METTL21C: variants seen among roughly 807,000 people sequenced by gnomAD.
METTL21C encodes protein-lysine methyltransferase METTL21C.
Under a neutral mutation model 25.9 loss-of-function variants are expected in METTL21C, and 21 were observed. That is an observed-to-expected ratio of 0.81 (90% confidence interval 0.58 to 1.17). The LOEUF (loss-of-function observed/expected upper bound fraction) is 1.17. Ranked by LOEUF, METTL21C falls within the 50% of genes most tolerant of loss-of-function variation. The pLI, the probability that METTL21C is intolerant of heterozygous loss-of-function variation, is 0.00. For missense variants in METTL21C, 312 were observed against 315.1 expected (o/e 0.99, Z 0.07); for synonymous variants, 125 against 124.7 (o/e 1.00, Z -0.01).
chr13:102,702,862 A>AT, the METTL21C span, among the ~76,000 whole-genome samples: 1 of 152,200 alleles, frequency 6.6e-6, no homozygotes, highest in African/African-American at 2.4e-5. Flanking sequence ...AAGTGCTAGG[A>AT]TTACAGCCGT....
chr13:102,701,512 G>A, the METTL21C span, among the ~76,000 whole-genome samples: 2 of 152,148 alleles, frequency 1.3e-5, no homozygotes, highest in African/African-American at 4.8e-5. Context: ...ACTGCCCCTT[G>A]CGTGCAAATC....
chr13:102,690,956 T>G lies in METTL21C; in HGVS notation c.139A>C (p.Lys47Gln), dbSNP rs1469425506. The G allele has an allele frequency of 6.2e-7, 1 of 1,613,678 alleles. No homozygotes were observed. Among genetic ancestry groups the G allele is most frequent in the South Asian group, 1.1e-5 (1 of 90,896 alleles). ...STGGVLEESN[K>Q]IEPSLHSLQK... ...AGGCTATGAAGAGATGGTTCTATCT[T>G]GTTGGATTCTGTGAAGCAGAAAAAT... is the stretch of plus-strand genomic sequence containing the variant. Residue 47 changes from lysine (K) to glutamine (Q), a missense_variant, in exon 2 of 4, where the codon AAG becomes CAG. Coordinates refer to ENST00000267273, the MANE Select transcript of METTL21C (RefSeq NM_001010977.3).
At chr13:102,692,835 AT>A (rs1311985505) in intron 1 of METTL21C, among the ~76,000 whole-genome samples, 2 of 152,074 alleles carry the variant, frequency 1.3e-5, no homozygotes, top group South Asian at 2.1e-4. Context: ...CTGTAGGGAG[AT>A]TGTAGGGAAA....
chr13:102,685,795 A>C lies in METTL21C; in HGVS notation c.*236T>G, dbSNP rs896434388. ...TTAAACATGTAACTTCGTTGGAACCAACAAAGCTACTTTCATGTTTTTATG... is the reference window on the plus strand; with the variant it reads ...TTAAACATGTAACTTCGTTGGAACCCACAAAGCTACTTTCATGTTTTTATG... On this transcript the variant is annotated 3_prime_UTR_variant, in exon 4 of 4. Transcript: ENST00000267273. 2 of 435,560 alleles carry C rather than the reference A, an allele frequency of 4.6e-6. No homozygotes were observed. Among genetic ancestry groups the C allele is most frequent in the Admixed American group, 8.1e-5 (2 of 24,838 alleles). The allele number at this position is 435,560 out of a possible 1,614,324, so 27.0% of individuals were successfully genotyped here.
chr13:102,692,030 A>C (rs1885843757), intron 1 of METTL21C, among the ~76,000 whole-genome samples: 1 of 152,192 alleles, frequency 6.6e-6, no homozygotes, highest in South Asian at 2.1e-4. Context: ...GTGGGAAAGA[A>C]TTAACAGTGC....
At position 102,686,380 on chromosome 13, in the gene METTL21C, A is replaced by G; in HGVS notation, c.446T>C (p.Leu149Pro). Residue 149 changes from leucine to proline, a missense_variant, in exon 4 of 4, where the codon CTT becomes CCT. Coordinates refer to ENST00000267273, the MANE Select transcript of METTL21C (RefSeq NM_001010977.3). ...ATDLPDVLGNLQYNLLKNTLQ... is the reference protein window; with the variant it reads ...ATDLPDVLGNPQYNLLKNTLQ... ...TGTGTTTTTTAAAAGATTGTATTGA[A>G]GGTTTCCCAGGACATCAGGCAAATC... is the stretch of plus-strand genomic sequence containing the variant. 6.2e-7 allele frequency: 1 copy of G among 1,613,908 alleles called. No individual in the cohort carries two copies. Among genetic ancestry groups the G allele is most frequent in the Non-Finnish European group, 8.5e-7 (1 of 1,179,874 alleles).
At chr13:102,690,168 C>T (rs947355626) in intron 2 of METTL21C, among the ~76,000 whole-genome samples, 1 of 152,156 alleles carries the variant, frequency 6.6e-6, no homozygotes, top group African/African-American at 2.4e-5. Context: ...CGCTTGTAAT[C>T]CCAGCACTTT....
chr13:102,698,394 G>A (rs1238768327), upstream of METTL21C, among the ~76,000 whole-genome samples: 1 of 152,148 alleles, frequency 6.6e-6, no homozygotes, highest in Non-Finnish European at 1.5e-5. Flanking sequence ...CTTCCTTGTT[G>A]TTGTTTGTCT....
chr13:102,691,623 C>T (rs552406483), intron 1 of METTL21C, among the ~76,000 whole-genome samples: 95 of 152,372 alleles, frequency 6.2e-4, no homozygotes, highest in Admixed American at 1.4e-3. Flanking sequence ...GCTGGGATTA[C>T]AGGCGTGAGC....
At chr13:102,689,799 T>C (rs1170424758) in intron 2 of METTL21C, among the ~76,000 whole-genome samples, 1 of 152,210 alleles carries the variant, frequency 6.6e-6, no homozygotes, top group Non-Finnish European at 1.5e-5. Flanking sequence ...GAAAGAATAT[T>C]ACATTAATGA....
chr13:102,693,388 G>A (rs1885876834), intron 1 of METTL21C, among the ~76,000 whole-genome samples: 1 of 152,144 alleles, frequency 6.6e-6, no homozygotes, highest in African/African-American at 2.4e-5. Context: ...CACACCACTG[G>A]GTGGTGGCTC....
the METTL21C span, among the ~76,000 whole-genome samples, chr13:102,700,928 A>G: frequency 6.6e-6 from 1 of 151,830 alleles, no homozygotes; most frequent in Non-Finnish European, 1.5e-5. Context: ...CGCTGCTTGG[A>G]CATGACACTT....
Position 102,694,863 on chromosome 13 carries a change from TTC to T in METTL21C, c.-367_-366del, listed in dbSNP as rs1293009121. ...TCATAGACACATTACTTTGCTAGAATTCTCTCTCTTTCTCTCTCTCTCTCTCT... is the reference window on the plus strand; with the variant it reads ...TCATAGACACATTACTTTGCTAGAATTCTCTCTTTCTCTCTCTCTCTCTCT... On this transcript the variant is annotated 5_prime_UTR_variant, in exon 1 of 4. Coordinates refer to ENST00000267273, the MANE Select transcript of METTL21C (RefSeq NM_001010977.3). Among the ~76,000 whole-genome samples the T allele has an allele frequency of 2.8e-5, 3 of 105,794 alleles. No homozygotes were observed. The highest frequency in any genetic ancestry group is 5.5e-5 in the Non-Finnish European group (3 of 54,926). 69.4% of individuals were successfully genotyped at this position (105,794 alleles called of 152,430 possible).
rs1885904523 is a variant in METTL21C at position 102,694,489 on chromosome 13, A to G, written c.10T>C (p.Cys4Arg). The change falls in exon 1 of 4, where the codon TGT (cysteine) becomes CGT (arginine). Residue 4 changes from cysteine (C) to arginine (R), a missense_variant. Cys to Arg is a radical substitution (Grantham distance 180). Coordinates refer to ENST00000267273, the MANE Select transcript of METTL21C (RefSeq NM_001010977.3). MDV[C>R]LSSAQQPGRR... is the part of the protein sequence containing the mutation. ...CCAGGCTGCTGCGCGGAGCTCAGAC[A>G]CACGTCCATAGCCGGCTGTCCCAAA... The G allele has an allele frequency of 1.4e-6, 2 of 1,438,440 alleles. No individual in the cohort carries two copies. Among genetic ancestry groups the G allele is most frequent in the Non-Finnish European group, 1.8e-6 (2 of 1,103,520 alleles). 89.1% of individuals were successfully genotyped at this position (1,438,440 alleles called of 1,614,324 possible). A position where few individuals can be genotyped will look rare whatever the true frequency, so the allele number is the denominator to read the frequency against.
intron 2 of METTL21C, 48 bp downstream of exon 2, chr13:102,690,765 T>C (rs761938730): frequency 1.3e-6 from 2 of 1,598,286 alleles, no homozygotes; most frequent in Non-Finnish European, 1.7e-6. Context: ...AAGTACGGAA[T>C]TGTTATCTCC....
chr13:102,697,622 G>T (rs556803548), upstream of METTL21C, among the ~76,000 whole-genome samples: 10 of 152,124 alleles, frequency 6.6e-5, no homozygotes, highest in Non-Finnish European at 1.3e-4. Flanking sequence ...AGGTGGATTT[G>T]CATTGATAGA....
chr13:102,700,304 T>C, the METTL21C span, among the ~76,000 whole-genome samples: 1 of 152,218 alleles, frequency 6.6e-6, no homozygotes, highest in Non-Finnish European at 1.5e-5. Flanking sequence ...CAAAGGCCAG[T>C]GTGTTGCCTT....
Position 102,694,900 on chromosome 13 carries a change from T to TCTCTCTCTCA in METTL21C, c.-403_-402insTGAGAGAGAG, listed in dbSNP as rs1262985773. On this transcript the variant is annotated 5_prime_UTR_variant, in exon 1 of 4. It removes the in-frame stop codon of an upstream open reading frame in the 5' UTR. Coordinates refer to ENST00000267273, the MANE Select transcript of METTL21C (RefSeq NM_001010977.3). ...CTCTCTCTCTCTCTCTCTCTCTCTC[T>TCTCTCTCTCA]CACACACACACACACACACACACAC... is the stretch of plus-strand genomic sequence containing the variant. Among the ~76,000 whole-genome samples, 3 of 135,488 alleles carry TCTCTCTCTCA rather than the reference T, an allele frequency of 2.2e-5. No individual in the cohort carries two copies. Among genetic ancestry groups the TCTCTCTCTCA allele is most frequent in the African/African-American group, 2.9e-5 (1 of 34,074 alleles). 88.9% of individuals were successfully genotyped at this position (135,488 alleles called of 152,430 possible).
chr13:102,695,792 C>A (rs188964511), upstream of METTL21C, among the ~76,000 whole-genome samples: 1 of 152,322 alleles, frequency 6.6e-6, no homozygotes, highest in Admixed American at 6.5e-5. Flanking sequence ...TCTATGATTG[C>A]ATTCTGCATC....
Sources: gnomAD v4.1 joint callset for allele counts (sites outside exome capture counted in the v4.1 genomes callset) on GRCh38, gnomAD v4.1.1 for gene constraint, MANE v1.5 for transcripts, NCBI Gene and HGNC (gene_info 2026-07-23, HGNC 2026-07-21) for gene names.